PRR16: variants seen among roughly 807,000 people sequenced by gnomAD.
The protein encoded by PRR16 is protein Largen.
Under a neutral mutation model 18.2 loss-of-function variants are expected in PRR16, and 6 were observed. The observed-to-expected ratio is 0.33, with a 90% CI of 0.18 to 0.65. The LOEUF (loss-of-function observed/expected upper bound fraction) is 0.65, where lower values mean the gene tolerates loss of function less well. PRR16 is among the 30% of genes least tolerant of loss of function. The pLI, the probability that PRR16 is intolerant of heterozygous loss-of-function variation, is 0.74. For missense variants in PRR16, 412 were observed against 376.6 expected, an observed-to-expected ratio of 1.09 and a Z score of -0.78; for synonymous variants, 151 against 147.8, an observed-to-expected ratio of 1.02 and a Z score of -0.16.
intron 1 of PRR16, among the ~76,000 whole-genome samples, chr5:120,570,207 T>C (rs1299630054): frequency 1.3e-5 from 2 of 152,092 alleles, no homozygotes; most frequent in East Asian, 3.9e-4. Flanking sequence ...CTAAATGGCT[T>C]ACCTAGCTAT....
At chr5:120,671,393 A>T (rs893690717) in intron 1 of PRR16, among the ~76,000 whole-genome samples, 2 of 152,088 alleles carry the variant, frequency 1.3e-5, no homozygotes, top group Non-Finnish European at 2.9e-5. Flanking sequence ...ACATCCTACC[A>T]TCTTACCTTT....
the PRR16 span, among the ~76,000 whole-genome samples, chr5:120,792,218 C>T: frequency 6.6e-5 from 10 of 152,130 alleles, no homozygotes; most frequent in Non-Finnish European, 1.2e-4. Flanking sequence ...TACTCTCTCA[C>T]GAATGTCTAA....
intron 1 of PRR16, among the ~76,000 whole-genome samples, chr5:120,608,055 A>G (rs1043892468): frequency 1.3e-5 from 2 of 152,190 alleles, no homozygotes; most frequent in South Asian, 2.1e-4. Flanking sequence ...TAATTTGGCT[A>G]CATGTTCTTG....
At chr5:120,768,283 G>C in the PRR16 span, among the ~76,000 whole-genome samples, 1 of 151,724 alleles carries the variant, frequency 6.6e-6, no homozygotes, top group Admixed American at 6.6e-5. Flanking sequence ...TATAATTCTA[G>C]AATATTTTTT....
At chr5:120,756,813 T>C in the PRR16 span, among the ~76,000 whole-genome samples, 1 of 152,134 alleles carries the variant, frequency 6.6e-6, no homozygotes, top group African/African-American at 2.4e-5. Context: ...GTCCTACTTG[T>C]CAATTTTTGT....
rs769360613 is a variant in PRR16 at position 120,686,497 on chromosome 5, A to T, written c.703A>T (p.Ser235Cys). Residue 235 changes from serine to cysteine, a missense_variant, in exon 2 of 2, where the codon AGT (serine) becomes TGT (cysteine). Transcript: ENST00000407149. Reference protein sequence around the residue: ...NIKNREVHLHSEPVHPPGKIP... With the variant: ...NIKNREVHLHCEPVHPPGKIP... ...AAAAAACAGGGAGGTCCACTTACAC[A>T]GTGAACCTGTCCACCCACCGGGAAA... 4.3e-6 allele frequency: 7 copies of T among 1,614,032 alleles called. No homozygotes were observed. The South Asian group carries it at 6.6e-5, about 15-fold the overall frequency.
intron 1 of PRR16, among the ~76,000 whole-genome samples, chr5:120,526,559 T>C (rs895556493): frequency 2.6e-5 from 4 of 152,076 alleles, no homozygotes; most frequent in Admixed American, 6.6e-5. Flanking sequence ...TGTCCAACCC[T>C]GGGTACGGAA....
chr5:120,660,216 G>A (rs1756130140), intron 1 of PRR16, among the ~76,000 whole-genome samples: 1 of 152,048 alleles, frequency 6.6e-6, no homozygotes, highest in Non-Finnish European at 1.5e-5. Flanking sequence ...ATATGTTACA[G>A]TTATTACATA....
the PRR16 span, among the ~76,000 whole-genome samples, chr5:120,718,070 C>T: frequency 6.6e-6 from 1 of 152,186 alleles, no homozygotes; most frequent in Non-Finnish European, 1.5e-5. Context: ...CTTGTTAGAA[C>T]ATTATTGAAA....
intron 1 of PRR16, among the ~76,000 whole-genome samples, chr5:120,642,271 T>TC (rs1491327617): frequency 1.4e-5 from 2 of 146,124 alleles, no homozygotes; most frequent in Non-Finnish European, 1.5e-5. Flanking sequence ...TTTTTTTTTT[T>TC]CCCCTAACAG....
Position 120,686,398 on chromosome 5 carries a change from C to G in PRR16, c.604C>G (p.Arg202Gly), listed in dbSNP as rs1472141027. Residue 202 changes from arginine (R) to glycine (G), a missense_variant, in exon 2 of 2, where the codon CGA becomes GGA. Physicochemically the swap from Arg to Gly is moderately radical, Grantham distance 125. Coordinates refer to ENST00000407149, the MANE Select transcript of PRR16 (RefSeq NM_001300783.2). ...EKDRCPQAGPRERVRFNEKVQ... is the reference protein window; with the variant it reads ...EKDRCPQAGPGERVRFNEKVQ... ...AGACAGATGTCCCCAGGCAGGGCCT[C>G]GAGAACGAGTTCGGTTTAATGAAAA... 4.3e-6 allele frequency: 7 copies of G among 1,613,992 alleles called. No homozygotes were observed. The East Asian group carries it at 6.7e-5, about 15-fold the overall frequency.
chr5:120,730,481 A>G, the PRR16 span, among the ~76,000 whole-genome samples: 2 of 152,282 alleles, frequency 1.3e-5, no homozygotes, highest in South Asian at 4.1e-4. Flanking sequence ...TGTCATTTGC[A>G]TAGTGGTCAA....
intron 1 of PRR16, among the ~76,000 whole-genome samples, chr5:120,566,373 C>T (rs749562698): frequency 2.6e-5 from 4 of 152,210 alleles, no homozygotes; most frequent in Non-Finnish European, 5.9e-5. Flanking sequence ...TAAACTAAGA[C>T]AGTTGACCAG....
chr5:120,701,511 A>G, the PRR16 span, among the ~76,000 whole-genome samples: 2 of 152,194 alleles, frequency 1.3e-5, no homozygotes, highest in South Asian at 4.1e-4. Context: ...ATTGCTGGGC[A>G]GGAGGGGGAG....
intron 1 of PRR16, among the ~76,000 whole-genome samples, chr5:120,467,947 A>G (rs1749154832): frequency 6.6e-6 from 1 of 152,158 alleles, no homozygotes; most frequent in Non-Finnish European, 1.5e-5. Flanking sequence ...AATTGCTACC[A>G]AGATGAATAA....
intron 1 of PRR16, among the ~76,000 whole-genome samples, chr5:120,599,002 T>G (rs1753900023): frequency 1.3e-5 from 2 of 151,948 alleles, no homozygotes; most frequent in South Asian, 4.1e-4. Flanking sequence ...TTGGAAAGTC[T>G]GAGAATATAT....
At chr5:120,674,021 AT>A (rs140646840) in intron 1 of PRR16, among the ~76,000 whole-genome samples, 7 of 151,504 alleles carry the variant, frequency 4.6e-5, no homozygotes, top group Non-Finnish European at 7.4e-5. Flanking sequence ...TACTTCCTAC[AT>A]TTTTTTTATC....
the PRR16 span, among the ~76,000 whole-genome samples, chr5:120,722,647 A>G: frequency 6.6e-6 from 1 of 152,100 alleles, no homozygotes; most frequent in African/African-American, 2.4e-5. Context: ...TATCTCAATT[A>G]CCTTGGAAGC....
At chr5:120,694,422 C>T in the PRR16 span, among the ~76,000 whole-genome samples, 6 of 152,158 alleles carry the variant, frequency 3.9e-5, no homozygotes, top group Admixed American at 1.3e-4. Flanking sequence ...CGGTGGCTCA[C>T]GCCTGTAATC....
Sources: gnomAD v4.1 joint callset for allele counts (sites outside exome capture counted in the v4.1 genomes callset) on GRCh38, gnomAD v4.1.1 for gene constraint, MANE v1.5 for transcripts, NCBI Gene and HGNC (gene_info 2026-07-23, HGNC 2026-07-21) for gene names.